Variants in RC3H1 observed in about 807,000 individuals in gnomAD.
RC3H1 encodes the protein ring finger and CCCH-type domains 1.
Under a neutral mutation model 138.2 loss-of-function variants are expected in RC3H1, and 50 were observed. That is an observed-to-expected ratio of 0.36 (90% CI 0.29 to 0.46). The LOEUF is 0.46. Ranked by LOEUF, RC3H1 falls within the 20% of genes least tolerant of loss-of-function variation. RC3H1 has a pLI of 1.00. For missense variants in RC3H1, 1,031 were observed against 1,388.1 expected (o/e 0.74, Z 4.09); for synonymous variants, 462 against 489.1 (o/e 0.94, Z 0.73).
chr1:174,017,304 A>G (rs1381444366), intron 1 of RC3H1, among the ~76,000 whole-genome samples: 4 of 152,244 alleles, frequency 2.6e-5, no homozygotes, highest in Non-Finnish European at 5.9e-5. Context: ...AATGAGTCTA[A>G]GAGTTTGAGC....
In RC3H1 at chr1:173,989,887, C is replaced by T. The variant is rs1320156720; in HGVS notation, c.231+2868G>A. 4.0e-5 allele frequency among the ~76,000 whole-genome samples: 6 copies of T among 149,666 alleles called. 1 individual carries two copies. The highest frequency in any genetic ancestry group is 9.8e-5 in the African/African-American group (4 of 40,880). Reference sequence around the variant, plus strand: ...GACTACAGGCGCCCGCCACCGCGCCCGGCTAATTTTTTGTATTTTTAGTAG... The same window carrying T: ...GACTACAGGCGCCCGCCACCGCGCCTGGCTAATTTTTTGTATTTTTAGTAG... On this transcript the variant is annotated intron_variant, in intron 2 of 19. Coordinates refer to ENST00000367696, the MANE Select transcript of RC3H1 (RefSeq NM_172071.4).
chr1:173,951,081 T>TGGCTCACTGCACGCTC (rs1406235671), intron 14 of RC3H1, among the ~76,000 whole-genome samples: 1 of 152,052 alleles, frequency 6.6e-6, no homozygotes, highest in African/African-American at 2.4e-5. Flanking sequence ...TCCCAGCACT[T>TGGCTCACTGCACGCTC]TGGAAGGCCG....
chr1:173,970,214 T>C (rs146011084), intron 9 of RC3H1, among the ~76,000 whole-genome samples: 1 of 152,326 alleles, frequency 6.6e-6, no homozygotes, highest in Admixed American at 6.5e-5. Context: ...TTACACATAG[T>C]CTGAAAGTAA....
In RC3H1 at chr1:173,971,335, A is replaced by G. The variant is rs144877147; in HGVS notation, c.1222-718T>C. Among the ~76,000 whole-genome samples the G allele has an allele frequency of 4.8e-3, 733 of 152,270 alleles. 8 individuals are homozygous for G. The highest frequency in any genetic ancestry group is 0.016 in the African/African-American group (683 of 41,538). ...TTTCAAATATATAAATTATCTTCTA[A>G]TATTTGTTTTGTACAATGTTCAATA... On this transcript the variant is annotated intron_variant, in intron 8 of 19. Transcript: ENST00000367696.
chr1:173,994,405 AAACAAAACTTTTGAC>A (rs1661412280), intron 1 of RC3H1, among the ~76,000 whole-genome samples: 1 of 152,172 alleles, frequency 6.6e-6, no homozygotes, highest in Non-Finnish European at 1.5e-5. Context: ...ACAAACAAAC[AAACAAAACTTTTGAC>A]AACATAAGAA....
At chr1:173,978,684 T>C in intron 6 of RC3H1, 64 bp from the exon 7 acceptor site, 2 of 1,474,026 alleles carry the variant, frequency 1.4e-6, no homozygotes, top group Non-Finnish European at 1.8e-6. Flanking sequence ...AAAGATTATT[T>C]ATATCACAAT....
At chr1:173,983,375 T>C (rs775331813) in intron 4 of RC3H1, 43 bp downstream of exon 4, 8 of 1,606,984 alleles carry the variant, frequency 5.0e-6, no homozygotes, top group Non-Finnish European at 6.8e-6. Flanking sequence ...CATCATACTT[T>C]TAGAATTACC....
chr1:173,989,055 G>T (rs1661151645), intron 2 of RC3H1, among the ~76,000 whole-genome samples: 1 of 152,146 alleles, frequency 6.6e-6, no homozygotes, highest in Non-Finnish European at 1.5e-5. Flanking sequence ...TTGAGATAGG[G>T]TCTCATTCTG....
chr1:173,967,240 G>A (rs1014850982), intron 9 of RC3H1, among the ~76,000 whole-genome samples: 1 of 152,050 alleles, frequency 6.6e-6, no homozygotes, highest in African/African-American at 2.4e-5. Flanking sequence ...AGGATCATTG[G>A]AGCCTGGAAG....
At chr1:174,005,901 G>C (rs1028803402) in intron 1 of RC3H1, among the ~76,000 whole-genome samples, 11 of 152,056 alleles carry the variant, frequency 7.2e-5, no homozygotes, top group Non-Finnish European at 2.9e-5. Flanking sequence ...GTCCTTACTG[G>C]TGACAATCTG....
chr1:173,992,485 G>A (rs1661331761), intron 2 of RC3H1, among the ~76,000 whole-genome samples: 1 of 152,068 alleles, frequency 6.6e-6, no homozygotes, highest in Non-Finnish European at 1.5e-5. Context: ...TAGGTTTATT[G>A]AATATCTGAC....
At chr1:173,995,160 A>T (rs945735957) in intron 1 of RC3H1, among the ~76,000 whole-genome samples, 2 of 152,162 alleles carry the variant, frequency 1.3e-5, no homozygotes, top group Non-Finnish European at 2.9e-5. Context: ...AAGTTAAGGG[A>T]AGAATAATGT....
At chr1:174,013,444 A>AT (rs1160273010) in intron 1 of RC3H1, among the ~76,000 whole-genome samples, 50 of 151,190 alleles carry the variant, frequency 3.3e-4, no homozygotes, top group African/African-American at 1.0e-3. Context: ...TATTATTATT[A>AT]TATATATATA....
chr1:173,983,530 A>C lies in RC3H1; in HGVS notation c.480T>G (p.Ser160=). 6.2e-7 allele frequency: 1 copy of C among 1,614,226 alleles called. No homozygotes were observed. Among genetic ancestry groups the C allele is most frequent in the African/African-American group, 1.3e-5 (1 of 75,056 alleles). Residue 160 remains serine (S), a synonymous_variant, in exon 4 of 20, where the codon TCT becomes TCG. Coordinates refer to ENST00000367696, the MANE Select transcript of RC3H1 (RefSeq NM_172071.4). ...GRIRAMRAAR[S]LGERTVTELI... ...GCTCTGTAACTGTTCGTTCACCTAA[A>C]GATCGAGCTGCCCTCATGGCACGAA... is the stretch of plus-strand genomic sequence containing the variant.
intron 11 of RC3H1, among the ~76,000 whole-genome samples, chr1:173,962,546 T>C (rs1050699089): frequency 1.3e-5 from 2 of 152,244 alleles, no homozygotes; most frequent in African/African-American, 4.8e-5. Flanking sequence ...TCTACAGTTC[T>C]TGAGACAACA....
chr1:173,988,649 T>C (rs1434789543), intron 2 of RC3H1, among the ~76,000 whole-genome samples: 1 of 152,246 alleles, frequency 6.6e-6, no homozygotes, highest in Non-Finnish European at 1.5e-5. Context: ...AAAGTAGCTA[T>C]ACCATTTTTC....
At chr1:174,019,294 G>A (rs1357915737) in intron 1 of RC3H1, among the ~76,000 whole-genome samples, 3 of 152,154 alleles carry the variant, frequency 2.0e-5, no homozygotes, top group Non-Finnish European at 4.4e-5. Context: ...AATGATAATA[G>A]GGTAAGTTCA....
intron 13 of RC3H1, among the ~76,000 whole-genome samples, chr1:173,955,778 A>G (rs1184929253): frequency 6.6e-6 from 1 of 152,134 alleles, no homozygotes; most frequent in Non-Finnish European, 1.5e-5. Context: ...TATTCCTACA[A>G]TGTTACATAA....
chr1:174,014,612 G>A (rs1661824682), intron 1 of RC3H1, among the ~76,000 whole-genome samples: 1 of 152,042 alleles, frequency 6.6e-6, no homozygotes, highest in Non-Finnish European at 1.5e-5. Context: ...AAAATATTCT[G>A]GATGAATATC....
Sources: gnomAD v4.1 joint callset for allele counts (sites outside exome capture counted in the v4.1 genomes callset) on GRCh38, gnomAD v4.1.1 for gene constraint, MANE v1.5 for transcripts, NCBI Gene and HGNC (gene_info 2026-07-23, HGNC 2026-07-21) for gene names.